Variants in ATP2A2 observed in about 807,000 individuals in gnomAD.
ATP2A2 encodes sarcoplasmic/endoplasmic reticulum calcium ATPase 2.
ATP2A2 carries 14 observed loss-of-function variants against 109.3 expected under a neutral mutation model. That is an observed-to-expected ratio of 0.13 (90% CI 0.08 to 0.20). ATP2A2 has a LOEUF of 0.20. Ranked by LOEUF, ATP2A2 falls within the 10% of genes least tolerant of loss-of-function variation. The pLI is 1.00. For synonymous variants in ATP2A2, 506 were observed against 490.9 expected (o/e 1.03, Z -0.41); for missense variants, 657 against 1,321.6 (o/e 0.50, Z 7.80).
Position 110,348,240 on chromosome 12 carries a change from T to C in ATP2A2, c.*1770T>C. 1.0e-6 allele frequency: 1 copy of C among 985,416 alleles called. No individual in the cohort carries two copies. The highest frequency in any genetic ancestry group is 1.2e-6 in the Non-Finnish European group (1 of 829,964). The allele number at this position is 985,416 out of a possible 1,614,324, so 61.0% of individuals were successfully genotyped here. ...AACTCTGGGTATCGATAGGTTCGTC[T>C]TAAATAGGCCACTTCCCCACTCCCC... On this transcript the variant is annotated 3_prime_UTR_variant, in exon 20 of 20. Coordinates refer to ENST00000539276, the MANE Select transcript of ATP2A2 (RefSeq NM_170665.4).
intron 6 of ATP2A2, among the ~76,000 whole-genome samples, chr12:110,324,713 T>C (rs1566227283): frequency 6.6e-6 from 1 of 151,868 alleles, no homozygotes; most frequent in Non-Finnish European, 1.5e-5. Flanking sequence ...TAAAAACTTT[T>C]TAGGCTGGTC....
chr12:110,322,377 CCTT>C (rs1241501223), intron 5 of ATP2A2, among the ~76,000 whole-genome samples: 3 of 151,882 alleles, frequency 2.0e-5, no homozygotes, highest in African/African-American at 7.3e-5. Context: ...CACCTGTAGT[CCTT>C]CTGCTTGGGA....
chr12:110,308,323 C>T (rs1230264693), intron 5 of ATP2A2, among the ~76,000 whole-genome samples: 1 of 152,186 alleles, frequency 6.6e-6, no homozygotes, highest in South Asian at 2.1e-4. Context: ...CAGTCCTTCA[C>T]AGTGAAGTGT....
At chr12:110,329,120 T>C (rs753256249) in intron 8 of ATP2A2, among the ~76,000 whole-genome samples, 3 of 152,244 alleles carry the variant, frequency 2.0e-5, no homozygotes, top group Middle Eastern at 3.2e-3. Context: ...AGTACTTGCA[T>C]ATAACCTTGT....
intron 3 of ATP2A2, among the ~76,000 whole-genome samples, chr12:110,284,804 A>AT (rs532839319): frequency 7.9e-4 from 120 of 152,350 alleles, no homozygotes; most frequent in African/African-American, 2.7e-3. Context: ...TAGCAAAAGA[A>AT]TAAGTGTTTA....
At chr12:110,334,317 AC>A in intron 11 of ATP2A2, 174 bp downstream of exon 11, 1 of 863,902 alleles carries the variant, frequency 1.2e-6, no homozygotes, top group Non-Finnish European at 1.8e-6. Flanking sequence ...TGTGTATTTG[AC>A]CAGGAAAATA....
chr12:110,316,957 C>A (rs902079602), intron 5 of ATP2A2, among the ~76,000 whole-genome samples: 1 of 152,096 alleles, frequency 6.6e-6, no homozygotes, highest in Non-Finnish European at 1.5e-5. Flanking sequence ...GAGGAGATCA[C>A]GTTTGCCATT....
At chr12:110,284,382 T>G (rs1379664950) in intron 3 of ATP2A2, among the ~76,000 whole-genome samples, 1 of 152,216 alleles carries the variant, frequency 6.6e-6, no homozygotes, top group Non-Finnish European at 1.5e-5. Flanking sequence ...TTCTTAAAAA[T>G]TAATCAGCTG....
Position 110,322,972 on chromosome 12 carries a change from C to T in ATP2A2, c.464-20C>T. Reference sequence around the variant, plus strand: ...TTTAAAAGTTGCTCATTTCAGCCGCCTTTTTTTTCTCCTAATTAGTTGGTG... The same window carrying T: ...TTTAAAAGTTGCTCATTTCAGCCGCTTTTTTTTTCTCCTAATTAGTTGGTG... On this transcript the variant is annotated intron_variant, in intron 5 of 19. Coordinates refer to ENST00000539276, the MANE Select transcript of ATP2A2 (RefSeq NM_170665.4). 1 of 1,582,420 alleles carries T rather than the reference C, an allele frequency of 6.3e-7. No individual in the cohort carries two copies.
chr12:110,326,002 T>G, intron 6 of ATP2A2: 1 of 207,828 alleles, frequency 4.8e-6, no homozygotes, highest in Non-Finnish European at 9.9e-6. Context: ...AAAAAAAAAG[T>G]ATCAGTATAT....
At position 110,342,503 on chromosome 12, in the gene ATP2A2, G is replaced by A; in HGVS notation, c.2318+55G>A. The A allele has an allele frequency of 8.9e-6, 14 of 1,575,690 alleles. No homozygotes were observed. Among genetic ancestry groups the A allele is most frequent in the Non-Finnish European group, 1.0e-5 (12 of 1,151,132 alleles). ...TACGCCTTTATCTAAATGGGTCATG[G>A]AGCCCAGTTCTCGCAGTTTGCTCTC... On this transcript the variant is annotated intron_variant, in intron 15 of 19. Transcript: ENST00000539276. The surrounding 1 kb of genome is among the most constrained non-coding windows in gnomAD (Gnocchi z 4.6).
rs150255923 is a variant in ATP2A2 at position 110,338,248 on chromosome 12, C to T, written c.1420-1033C>T. On this transcript the variant is annotated intron_variant, in intron 11 of 19. Coordinates refer to ENST00000539276, the MANE Select transcript of ATP2A2 (RefSeq NM_170665.4). Reference sequence around the variant, plus strand: ...TAGCTATCTAAAACTACTTAGAATACCTAAAAACACTTCCTTAGATGCCCT... The same window carrying T: ...TAGCTATCTAAAACTACTTAGAATATCTAAAAACACTTCCTTAGATGCCCT... 4.7e-4 allele frequency among the ~76,000 whole-genome samples: 72 copies of T among 152,308 alleles called. No individual in the cohort carries two copies. In the East Asian group the frequency reaches 0.012, roughly 25 times the overall value.
Position 110,327,532 on chromosome 12 carries a change from A to G in ATP2A2, c.631-21A>G, listed in dbSNP as rs369594808. The G allele has an allele frequency of 1.3e-5, 21 of 1,606,408 alleles. No individual in the cohort carries two copies. The highest frequency in any genetic ancestry group is 1.8e-5 in the Non-Finnish European group (21 of 1,173,050). ...GGGATGTGGTATTCATCTTGTGACC[A>G]GTTCTCTACTTCTGTCCTAGGGTAC... On this transcript the variant is annotated intron_variant, in intron 7 of 19. Transcript: ENST00000539276. This position sits in a 1 kb window ranked among gnomAD's most constrained non-coding sequence, Gnocchi z 4.4.
chr12:110,339,188 G>C lies in ATP2A2; in HGVS notation c.1420-93G>C, dbSNP rs1879123010. On this transcript the variant is annotated intron_variant, in intron 11 of 19. Coordinates refer to ENST00000539276, the MANE Select transcript of ATP2A2 (RefSeq NM_170665.4). The surrounding 1 kb of genome is among the most constrained non-coding windows in gnomAD (Gnocchi z 4.4). ...TGTTTTGTTTATTGCTATATTCCTA[G>C]CATCTGTCATGTAATAGGTGTGCTT... 1 of 1,529,148 alleles carries C rather than the reference G, an allele frequency of 6.5e-7. No homozygotes were observed. The highest frequency in any genetic ancestry group is 9.0e-7 in the Non-Finnish European group (1 of 1,109,232). 94.7% of individuals were successfully genotyped at this position (1,529,148 alleles called of 1,614,324 possible). A position where few individuals can be genotyped will look rare whatever the true frequency, so the allele number is the denominator to read the frequency against.
In ATP2A2 at chr12:110,311,582, C is replaced by T. The variant is rs187655282; in HGVS notation, c.464-11410C>T. On this transcript the variant is annotated intron_variant, in intron 5 of 19. Transcript: ENST00000539276. Reference sequence around the variant, plus strand: ...CTGCACTCCAGCCTGGGGGACAGAGCGAGACTCCATCTCAAAAAAAAAAAA... The same window carrying T: ...CTGCACTCCAGCCTGGGGGACAGAGTGAGACTCCATCTCAAAAAAAAAAAA... Among the ~76,000 whole-genome samples the T allele has an allele frequency of 1.4e-3, 149 of 106,404 alleles. 1 individual carries two copies. Among genetic ancestry groups the T allele is most frequent in the African/African-American group, 5.5e-3 (147 of 26,538 alleles). The allele number at this position is 106,404 out of a possible 152,430, so 69.8% of individuals were successfully genotyped here.
rs1872242981 is a variant in ATP2A2 at position 110,282,540 on chromosome 12, C to G, written c.119-64C>G. 46 of 1,551,902 alleles carry G rather than the reference C, an allele frequency of 3.0e-5. No individual in the cohort carries two copies. In the South Asian group the frequency reaches 4.3e-4, roughly 14 times the overall value. On this transcript the variant is annotated intron_variant, in intron 1 of 19. Coordinates refer to ENST00000539276, the MANE Select transcript of ATP2A2 (RefSeq NM_170665.4). The stretch of plus-strand genomic sequence containing the variant: ...TTAGAAAAACGAAGTGCTAAAATGT[C>G]TCTCTCTTTTTTTTTTTAACCTCCC...
chr12:110,299,765 A>G (rs903741783), intron 5 of ATP2A2, among the ~76,000 whole-genome samples: 1 of 152,110 alleles, frequency 6.6e-6, no homozygotes. Context: ...GATCACAGGC[A>G]TGAGCCACCA....
In ATP2A2 at chr12:110,346,949, G is replaced by A; in HGVS notation, c.*479G>A. The A allele has an allele frequency of 9.1e-7, 1 of 1,100,752 alleles. No individual in the cohort carries two copies. The highest frequency in any genetic ancestry group is 1.1e-6 in the Non-Finnish European group (1 of 900,294). The allele number at this position is 1,100,752 out of a possible 1,614,324, so 68.2% of individuals were successfully genotyped here. A position where few individuals can be genotyped will look rare whatever the true frequency, so the allele number is the denominator to read the frequency against. On this transcript the variant is annotated 3_prime_UTR_variant, in exon 20 of 20. Transcript: ENST00000539276. ...TCATAAGCCAATTTTTCTGCACTGA[G>A]CAGAGTCTTGCTACCTCAGTCAGTA...
intron 18 of ATP2A2, 191 bp downstream of exon 18, chr12:110,345,573 CTGTGTT>C: frequency 1.1e-6 from 1 of 902,154 alleles, no homozygotes. Flanking sequence ...GTGCTTAGCC[CTGTGTT>C]TCTTAGGAGC....
Sources: gnomAD v4.1 joint callset for allele counts (sites outside exome capture counted in the v4.1 genomes callset) on GRCh38, gnomAD v4.1.1 for gene constraint, Gnocchi (gnomAD v3.1) non-coding constraint, MANE v1.5 for transcripts, NCBI Gene and HGNC (gene_info 2026-07-23, HGNC 2026-07-21) for gene names.